AGAP1: variants seen among roughly 807,000 people sequenced by gnomAD.
The protein encoded by AGAP1 is ArfGAP with GTPase domain, ankyrin repeat and PH domain 1, also known as arf-GAP with GTPase, ANK repeat and PH domain-containing protein 1.
AGAP1 carries 29 observed loss-of-function variants against 105.3 expected under a neutral mutation model. The ratio of observed to expected loss-of-function variants is 0.28; its 90% confidence interval spans 0.21 to 0.38. The LOEUF (loss-of-function observed/expected upper bound fraction) is 0.38, where lower values mean the gene tolerates loss of function less well. Ranked by LOEUF, AGAP1 falls within the 10% of genes least tolerant of loss-of-function variation. The probability of loss-of-function intolerance (pLI) is 1.00; values close to 1 mark genes in which losing one functional copy is unlikely to be tolerated. For synonymous variants in AGAP1, 509 were observed against 485.9 expected (o/e 1.05, Z -0.63); for missense variants, 998 against 1,165.1 (o/e 0.86, Z 2.09).
chr2:235,682,809 T>TGTGTGTGTGG (rs1442102964), intron 1 of AGAP1, among the ~76,000 whole-genome samples: 1 of 151,700 alleles, frequency 6.6e-6, no homozygotes, highest in Non-Finnish European at 1.5e-5. Flanking sequence ...TGTGTGTGTG[T>TGTGTGTGTGG]GTGTGTGTGT....
intron 11 of AGAP1, among the ~76,000 whole-genome samples, chr2:235,914,652 G>T (rs1327610626): frequency 6.6e-6 from 1 of 152,216 alleles, no homozygotes; most frequent in African/African-American, 2.4e-5. Flanking sequence ...AACACGCACT[G>T]TCAGAGCAGC....
rs1308619510 is a variant in AGAP1 at position 236,046,402 on chromosome 2, T to C, written c.1892-2657T>C. Among the ~76,000 whole-genome samples the C allele has an allele frequency of 8.5e-5, 13 of 152,118 alleles. No homozygotes were observed. Among genetic ancestry groups the C allele is most frequent in the Admixed American group, 8.5e-4 (13 of 15,276 alleles). ...GGAGCCCCTTGCACCCCAGTTGCGA[T>C]GCTGGTGAGGACGCCCATGGGAGCA... On this transcript the variant is annotated intron_variant, in intron 15 of 17. Transcript: ENST00000304032. The surrounding 1 kb of genome is among the most constrained non-coding windows in gnomAD (Gnocchi z 5.2).
At position 235,843,711 on chromosome 2, in the gene AGAP1, T is replaced by A. The variant is rs1202775959; in HGVS notation, c.1050+36380T>A. Among the ~76,000 whole-genome samples the A allele has an allele frequency of 6.6e-6, 1 of 152,202 alleles. No individual in the cohort carries two copies. The highest frequency in any genetic ancestry group is 1.5e-5 in the Non-Finnish European group (1 of 68,044). On this transcript the variant is annotated intron_variant, in intron 9 of 17. Coordinates refer to ENST00000304032, the MANE Select transcript of AGAP1 (RefSeq NM_001037131.3). The surrounding 1 kb of genome is among the most constrained non-coding windows in gnomAD (Gnocchi z 5.9). ...CCCTAGATGTGTAGCCACTGGGATC[T>A]TTTTCATCTCATCAGCCTAGCTCCC...
At position 236,036,762 on chromosome 2, in the gene AGAP1, G is replaced by C. The variant is rs750225573; in HGVS notation, c.1800+47G>C. On this transcript the variant is annotated intron_variant, in intron 14 of 17. Coordinates refer to ENST00000304032, the MANE Select transcript of AGAP1 (RefSeq NM_001037131.3). The surrounding 1 kb of genome is among the most constrained non-coding windows in gnomAD (Gnocchi z 5.7). ...AACCAAGGCTGGGGCTGCTCAGGGG[G>C]AGTGCGGGCCCCAAGTAATGCCCCA... 1 of 1,609,688 alleles carries C rather than the reference G, an allele frequency of 6.2e-7. No individual in the cohort carries two copies. Among genetic ancestry groups the C allele is most frequent in the Admixed American group, 1.7e-5 (1 of 59,374 alleles).
chr2:235,798,659 C>CT (rs1254308908), intron 7 of AGAP1, among the ~76,000 whole-genome samples: 3 of 152,066 alleles, frequency 2.0e-5, no homozygotes, highest in Admixed American at 2.0e-4. Flanking sequence ...AGGTGGATCG[C>CT]TTGAGCTCAG....
At chr2:235,726,094 C>T (rs894396679) in intron 3 of AGAP1, among the ~76,000 whole-genome samples, 1 of 152,126 alleles carries the variant, frequency 6.6e-6, no homozygotes, top group Non-Finnish European at 1.5e-5. Context: ...ACAAGAAATC[C>T]AGGGCTTACC....
chr2:235,821,764 A>G (rs2106289266), intron 9 of AGAP1, among the ~76,000 whole-genome samples: 1 of 152,294 alleles, frequency 6.6e-6, no homozygotes, highest in South Asian at 2.1e-4. Context: ...TTTTAATCTC[A>G]GGATCCAATC....
At chr2:235,545,062 C>T (rs947253504) in intron 1 of AGAP1, among the ~76,000 whole-genome samples, 7 of 152,180 alleles carry the variant, frequency 4.6e-5, no homozygotes, top group Admixed American at 4.6e-4. Context: ...ACCTTCCATC[C>T]CTTACCCTGG....
rs1233883994 is a variant in AGAP1 at position 235,747,952 on chromosome 2, C to A, written c.539-2402C>A. ...GGCCTCCGCCCGCTGGCGGGAGGGG[C>A]AGCTCTGCCAGCAGGAGCTCTTTCT... On this transcript the variant is annotated intron_variant, in intron 5 of 17. Transcript: ENST00000304032. This position sits in a 1 kb window ranked among gnomAD's most constrained non-coding sequence, Gnocchi z 5.0. 2.6e-5 allele frequency among the ~76,000 whole-genome samples: 4 copies of A among 152,364 alleles called. No individual in the cohort carries two copies. The highest frequency in any genetic ancestry group is 1.3e-4 in the Admixed American group (2 of 15,308).
chr2:235,565,052 C>T (rs979990106), intron 1 of AGAP1, among the ~76,000 whole-genome samples: 7 of 145,926 alleles, frequency 4.8e-5, no homozygotes, highest in African/African-American at 1.8e-4. Context: ...GACCACCACC[C>T]AGGGCCAGGT....
chr2:235,562,837 G>T (rs1273721670), intron 1 of AGAP1, among the ~76,000 whole-genome samples: 1 of 152,088 alleles, frequency 6.6e-6, no homozygotes, highest in African/African-American at 2.4e-5. Context: ...TGGGAGGATT[G>T]ATTGAGCCCA....
At chr2:236,093,042 G>A (rs1294865068) in intron 16 of AGAP1, among the ~76,000 whole-genome samples, 2 of 152,212 alleles carry the variant, frequency 1.3e-5, no homozygotes, top group African/African-American at 4.8e-5. Flanking sequence ...GGTCCACGAC[G>A]ATACTCCAGA....
At chr2:235,675,880 A>G (rs1192421871) in intron 1 of AGAP1, among the ~76,000 whole-genome samples, 1 of 152,196 alleles carries the variant, frequency 6.6e-6, no homozygotes, top group Admixed American at 6.5e-5. Context: ...TTGGGCTGGA[A>G]TATCCTGCCA....
At position 235,980,829 on chromosome 2, in the gene AGAP1, C is replaced by T. The variant is rs574540764; in HGVS notation, c.1645+12206C>T. ...ACTTTCTCCCATTGTTTCCTCCCTC[C>T]CCTCGCTATTGAGCTTGAAGTCTGG... On this transcript the variant is annotated intron_variant, in intron 13 of 17. Coordinates refer to ENST00000304032, the MANE Select transcript of AGAP1 (RefSeq NM_001037131.3). Among the ~76,000 whole-genome samples the T allele has an allele frequency of 3.9e-5, 6 of 152,274 alleles. No homozygotes were observed. The East Asian group carries it at 1.2e-3, about 29-fold the overall frequency.
intron 9 of AGAP1, among the ~76,000 whole-genome samples, chr2:235,858,404 AATGTC>A (rs1322524058): frequency 0.011 from 2 of 184 alleles, no homozygotes; most frequent in African/African-American, 0.037. Context: ...TACTTATAAA[AATGTC>A]AGCCTGTTTT....
In AGAP1 at chr2:235,752,326, C is replaced by T. The variant is rs996650587; in HGVS notation, c.673+1838C>T. 3.9e-5 allele frequency among the ~76,000 whole-genome samples: 6 copies of T among 152,048 alleles called. No homozygotes were observed. Among genetic ancestry groups the T allele is most frequent in the Non-Finnish European group, 7.3e-5 (5 of 68,030 alleles). On this transcript the variant is annotated intron_variant, in intron 6 of 17. Transcript: ENST00000304032. This position sits in a 1 kb window ranked among gnomAD's most constrained non-coding sequence, Gnocchi z 4.3. ...CCCAGTAGCTGGAATTACAGGTACA[C>T]GCTGCCACACCTGGCTAATTTTTTG...
intron 9 of AGAP1, among the ~76,000 whole-genome samples, chr2:235,881,070 C>T (rs1331526620): frequency 2.0e-5 from 3 of 152,154 alleles, no homozygotes; most frequent in Non-Finnish European, 4.4e-5. Flanking sequence ...GCAAAGAAAT[C>T]ATCTTCTAAA....
chr2:235,556,138 A>T lies in AGAP1; in HGVS notation c.163+61289A>T, dbSNP rs944273940. On this transcript the variant is annotated intron_variant, in intron 1 of 17. Coordinates refer to ENST00000304032, the MANE Select transcript of AGAP1 (RefSeq NM_001037131.3). This position sits in a 1 kb window ranked among gnomAD's most constrained non-coding sequence, Gnocchi z 5.3. ...ACTGAGACCTGAAGAAGGGTTGTGC[A>T]TGTGGGAGGGAGCCAGCCTGGTGGA... Among the ~76,000 whole-genome samples the T allele has an allele frequency of 2.6e-5, 4 of 152,186 alleles. No homozygotes were observed. The highest frequency in any genetic ancestry group is 9.7e-5 in the African/African-American group (4 of 41,442).
intron 9 of AGAP1, among the ~76,000 whole-genome samples, chr2:235,816,887 GA>G (rs111757111): frequency 8.0e-4 from 116 of 145,602 alleles, no homozygotes; most frequent in Admixed American, 1.5e-3. Flanking sequence ...TCAAAAAGAA[GA>G]AAAAAAAAAA....
Sources: gnomAD v4.1 joint callset for allele counts (sites outside exome capture counted in the v4.1 genomes callset) on GRCh38, gnomAD v4.1.1 for gene constraint, Gnocchi (gnomAD v3.1) non-coding constraint, MANE v1.5 for transcripts, NCBI Gene and HGNC (gene_info 2026-07-23, HGNC 2026-07-21) for gene names.